Variants in LRRC7 observed in about 807,000 individuals in gnomAD.
LRRC7 encodes leucine-rich repeat-containing protein 7.
Under a neutral mutation model 175.7 loss-of-function variants are expected in LRRC7, and 23 were observed. The ratio of observed to expected loss-of-function variants is 0.13; its 90% CI spans 0.09 to 0.19. The LOEUF is 0.19. Ranked by LOEUF, LRRC7 falls within the 10% of genes least tolerant of loss-of-function variation. The probability of loss-of-function intolerance (pLI) is 1.00; values close to 1 mark genes in which losing one functional copy is unlikely to be tolerated. For missense variants in LRRC7, 1,354 were observed against 1,904.7 expected (o/e 0.71, Z 5.38); for synonymous variants, 685 against 680.9 (o/e 1.01, Z -0.09).
intron 7 of LRRC7, among the ~76,000 whole-genome samples, chr1:69,906,642 A>G (rs1646323464): frequency 6.6e-6 from 1 of 152,266 alleles, no homozygotes; most frequent in South Asian, 2.1e-4. Flanking sequence ...TACCAGTACC[A>G]TGCTGTTTTG....
At chr1:69,772,345 A>G (rs1672335406) in intron 3 of LRRC7, among the ~76,000 whole-genome samples, 1 of 152,046 alleles carries the variant, frequency 6.6e-6, no homozygotes, top group East Asian at 1.9e-4. Context: ...TATTTACAGG[A>G]CAGGAAGAAG....
chr1:70,059,651 A>G (rs555529979), intron 23 of LRRC7, among the ~76,000 whole-genome samples: 4 of 145,732 alleles, frequency 2.7e-5, no homozygotes, highest in Non-Finnish European at 6.0e-5. Context: ...TTCATTTCTT[A>G]TTTCAATTAT....
intron 25 of LRRC7, among the ~76,000 whole-genome samples, chr1:70,099,177 C>A (rs1346251305): frequency 7.1e-6 from 1 of 140,886 alleles, no homozygotes; most frequent in African/African-American, 2.7e-5. Context: ...ATATGCAAAT[C>A]AATAAATGTA....
At chr1:69,892,799 A>C (rs1448880106) in intron 7 of LRRC7, among the ~76,000 whole-genome samples, 2 of 152,194 alleles carry the variant, frequency 1.3e-5, no homozygotes, top group African/African-American at 4.8e-5. Flanking sequence ...ACTCAAGAAC[A>C]CTTTGATAGA....
rs1471534291 is a variant in LRRC7, at chr1:70,038,139, T to C, written c.2315T>C (p.Leu772Pro). ...ATTGCACCATCTTTCCCACAGCCTCTTGATTCAAAGCCATTACTCAGCCAG... is the reference window on the plus strand; with the variant it reads ...ATTGCACCATCTTTCCCACAGCCTCCTGATTCAAAGCCATTACTCAGCCAG... ...NRIAPSFPQP[L>P]DSKPLLSQRE... The change falls in exon 21 of 27, where the codon CTT becomes CCT. Residue 772 changes from leucine to proline, a missense_variant. Physicochemically the swap from Leu to Pro is moderately conservative, Grantham distance 98 (BLOSUM62 -3). Coordinates refer to ENST00000651989, the MANE Select transcript of LRRC7 (RefSeq NM_001370785.2). 6.2e-7 allele frequency: 1 copy of C among 1,611,850 alleles called. No individual in the cohort carries two copies. The highest frequency in any genetic ancestry group is 2.2e-5 in the East Asian group (1 of 44,862).
chr1:69,717,834 GAA>G lies in LRRC7; in HGVS notation c.100+39358_100+39359del, dbSNP rs1370578880. Among the ~76,000 whole-genome samples, 75 of 30,242 alleles carry G rather than the reference GAA, an allele frequency of 2.5e-3. 3 individuals are homozygous for G. The highest frequency in any genetic ancestry group is 8.5e-3 in the Admixed American group (22 of 2,574). The allele number at this position is 30,242 out of a possible 152,430, so 19.8% of individuals were successfully genotyped here. A position where few individuals can be genotyped will look rare whatever the true frequency, so the allele number is the denominator to read the frequency against. ...AGAAAGAAAGAAAGAAAGAAAGAAAGAAAGAAAAAAGAAAGAAAGGAAAGAAA... is the reference window on the plus strand; with the variant it reads ...AGAAAGAAAGAAAGAAAGAAAGAAAGAGAAAAAAGAAAGAAAGGAAAGAAA... On this transcript the variant is annotated intron_variant, in intron 2 of 26. Coordinates refer to ENST00000651989, the MANE Select transcript of LRRC7 (RefSeq NM_001370785.2).
chr1:69,885,549 G>T (rs934370129), intron 7 of LRRC7, among the ~76,000 whole-genome samples: 10 of 136,452 alleles, frequency 7.3e-5, no homozygotes, highest in African/African-American at 3.0e-4. Flanking sequence ...CAGTTTTGTT[G>T]ATCCTTGCAA....
intron 8 of LRRC7, among the ~76,000 whole-genome samples, chr1:69,960,925 A>G (rs1223350042): frequency 6.6e-6 from 1 of 152,190 alleles, no homozygotes; most frequent in Non-Finnish European, 1.5e-5. Context: ...CTAGCAAAAG[A>G]CAAGAATACC....
chr1:69,731,421 G>A (rs541908419), intron 2 of LRRC7, among the ~76,000 whole-genome samples: 1 of 152,168 alleles, frequency 6.6e-6, no homozygotes, highest in East Asian at 1.9e-4. Flanking sequence ...GGGATTATGG[G>A]AACTACAATT....
chr1:69,883,072 A>G (rs1686802104), intron 7 of LRRC7, among the ~76,000 whole-genome samples: 2 of 152,068 alleles, frequency 1.3e-5, no homozygotes, highest in South Asian at 4.2e-4. Context: ...CACAATAAAC[A>G]TACGTGTGCA....
chr1:69,779,692 A>G (rs1673257924), intron 3 of LRRC7, among the ~76,000 whole-genome samples: 1 of 152,250 alleles, frequency 6.6e-6, no homozygotes, highest in Admixed American at 6.5e-5. Flanking sequence ...TAAAAACAAC[A>G]GCAGTGATAT....
At chr1:69,749,346 G>A (rs1796964) in intron 2 of LRRC7, among the ~76,000 whole-genome samples, 125,949 of 152,112 alleles carry the variant, frequency 0.83, 52,485 homozygotes, top group East Asian at 0.93. Flanking sequence ...TACAATGACT[G>A]TAATAATGGT....
intron 1 of LRRC7, among the ~76,000 whole-genome samples, chr1:69,651,801 A>G (rs1655871636): frequency 6.6e-6 from 1 of 152,120 alleles, no homozygotes; most frequent in African/African-American, 2.4e-5. Context: ...ACATGCATGT[A>G]AAGTTCTAGC....
At chr1:70,073,453 A>G (rs1442920269) in intron 23 of LRRC7, among the ~76,000 whole-genome samples, 2 of 152,064 alleles carry the variant, frequency 1.3e-5, no homozygotes, top group Non-Finnish European at 2.9e-5. Flanking sequence ...TCTGTCTCTA[A>G]AAATAAAAAT....
intron 7 of LRRC7, among the ~76,000 whole-genome samples, chr1:69,852,143 C>T (rs186426267): frequency 2.5e-4 from 38 of 151,514 alleles, no homozygotes; most frequent in Admixed American, 4.6e-4. Flanking sequence ...TGTTACATTG[C>T]CTTTTGCACA....
intron 23 of LRRC7, among the ~76,000 whole-genome samples, chr1:70,069,392 C>A (rs1418604382): frequency 6.6e-6 from 1 of 152,116 alleles, no homozygotes; most frequent in East Asian, 1.9e-4. Flanking sequence ...GGAGAAACTG[C>A]CCCCATGATC....
intron 7 of LRRC7, among the ~76,000 whole-genome samples, chr1:69,904,504 G>A (rs1158958877): frequency 6.6e-6 from 1 of 151,652 alleles, no homozygotes; most frequent in Non-Finnish European, 1.5e-5. Flanking sequence ...GTTAAATGTG[G>A]GGAGGAAAAA....
At chr1:69,985,870 T>A (rs893995779) in intron 9 of LRRC7, among the ~76,000 whole-genome samples, 22 of 152,256 alleles carry the variant, frequency 1.4e-4, no homozygotes, top group Admixed American at 1.4e-3. Flanking sequence ...ATTTGATTTA[T>A]GTGTTCATCA....
intron 1 of LRRC7, among the ~76,000 whole-genome samples, chr1:69,576,097 T>G (rs562886445): frequency 6.6e-6 from 1 of 150,630 alleles, no homozygotes; most frequent in Non-Finnish European, 1.5e-5. Flanking sequence ...CCAAGAGTGG[T>G]GGTGCTCACC....
Sources: allele counts gnomAD v4.1 joint callset (sites outside exome capture counted in the v4.1 genomes callset), GRCh38; gene constraint gnomAD v4.1.1; transcripts MANE v1.5; gene names NCBI Gene and HGNC (gene_info 2026-07-23, HGNC 2026-07-21).